The following SLC25A21 variants were observed in gnomAD, a reference collection of about 807,000 sequenced individuals.
SLC25A21 encodes the protein solute carrier family 25 member 21, also known as mitochondrial 2-oxodicarboxylate carrier.
SLC25A21 carries 47 observed loss-of-function variants against 43.8 expected under a neutral mutation model. That is an observed-to-expected ratio of 1.07 (90% confidence interval 0.85 to 1.37). SLC25A21 has a LOEUF of 1.37. SLC25A21 is among the 40% of genes most tolerant of loss of function. SLC25A21 has a pLI of 0.00. For missense variants in SLC25A21, 352 were observed against 350.2 expected (o/e 1.00, Z -0.04); for synonymous variants, 131 against 121.3 (o/e 1.08, Z -0.52).
In SLC25A21 at chr14:36,874,963, TCAC is replaced by T; in HGVS notation, c.109_111del (p.Val37del). On this transcript the variant is annotated inframe_deletion, in exon 2 of 10. Coordinates refer to ENST00000331299, the MANE Select transcript of SLC25A21 (RefSeq NM_030631.4). ...GTTCATGCAGAACCTTACCTGGTTT[TCAC>T]CACATCTAGGGGGTGCATCAGGCAA... 6.2e-7 allele frequency: 1 copy of T among 1,610,096 alleles called. No individual in the cohort carries two copies. Among genetic ancestry groups the T allele is most frequent in the South Asian group, 1.1e-5 (1 of 90,020 alleles).
chr14:37,014,169 A>G (rs1465488480), intron 1 of SLC25A21, among the ~76,000 whole-genome samples: 1 of 152,106 alleles, frequency 6.6e-6, no homozygotes, highest in African/African-American at 2.4e-5. Flanking sequence ...TTAAAATAAG[A>G]CAACAATTAC....
intron 1 of SLC25A21, among the ~76,000 whole-genome samples, chr14:36,939,421 A>AT (rs1163197128): frequency 5.3e-5 from 8 of 151,746 alleles, no homozygotes; most frequent in Admixed American, 1.3e-4. Context: ...TTAAGACAGC[A>AT]TTTTTTTTGT....
chr14:36,848,260 A>G (rs987727538), intron 2 of SLC25A21, among the ~76,000 whole-genome samples: 1 of 152,218 alleles, frequency 6.6e-6, no homozygotes, highest in Non-Finnish European at 1.5e-5. Flanking sequence ...AAGATTTTTA[A>G]AAACATTTGT....
chr14:37,015,416 C>T (rs1447211353), intron 1 of SLC25A21, among the ~76,000 whole-genome samples: 1 of 151,804 alleles, frequency 6.6e-6, no homozygotes, highest in Non-Finnish European at 1.5e-5. Flanking sequence ...GTATATATGC[C>T]ACATTTTCTT....
At chr14:37,171,913 T>C in intron 1 of SLC25A21, 1 of 260,942 alleles carries the variant, frequency 3.8e-6, no homozygotes, top group Non-Finnish European at 7.3e-6. Flanking sequence ...CTACAATTGA[T>C]AAAACTAAGT....
At chr14:37,035,344 C>A (rs1961304469) in intron 1 of SLC25A21, among the ~76,000 whole-genome samples, 1 of 152,220 alleles carries the variant, frequency 6.6e-6, no homozygotes, top group Non-Finnish European at 1.5e-5. Flanking sequence ...TTATTATTAT[C>A]AGTTTTAATC....
intron 1 of SLC25A21, among the ~76,000 whole-genome samples, chr14:37,020,700 A>G (rs1303293430): frequency 2.0e-5 from 3 of 151,952 alleles, no homozygotes; most frequent in Non-Finnish European, 4.4e-5. Flanking sequence ...CATTTTCATC[A>G]GTATGTTTGT....
At chr14:36,759,006 G>A (rs552341040) in intron 3 of SLC25A21, among the ~76,000 whole-genome samples, 4 of 152,260 alleles carry the variant, frequency 2.6e-5, no homozygotes, top group African/African-American at 4.8e-5. Flanking sequence ...GGGCATTTTC[G>A]TTATTCAGCT....
intron 1 of SLC25A21, among the ~76,000 whole-genome samples, chr14:36,894,925 T>C (rs1891192647): frequency 6.6e-6 from 1 of 152,232 alleles, no homozygotes; most frequent in Non-Finnish European, 1.5e-5. Flanking sequence ...TTTGATGTGC[T>C]GCTGGATTTG....
intron 2 of SLC25A21, among the ~76,000 whole-genome samples, chr14:36,824,015 C>T (rs1023793116): frequency 5.3e-5 from 8 of 152,146 alleles, no homozygotes; most frequent in Admixed American, 3.3e-4. Context: ...GGAACTGAGC[C>T]ACTCTACAGA....
chr14:36,756,344 C>T (rs1006161113), intron 3 of SLC25A21, among the ~76,000 whole-genome samples: 3 of 152,180 alleles, frequency 2.0e-5, no homozygotes, highest in Admixed American at 1.3e-4. Flanking sequence ...TGGCTATGTA[C>T]GCGGCTTCAC....
chr14:36,996,978 G>A (rs778555525), intron 1 of SLC25A21, among the ~76,000 whole-genome samples: 1 of 152,128 alleles, frequency 6.6e-6, no homozygotes, highest in African/African-American at 2.4e-5. Flanking sequence ...GTAAGAGAAG[G>A]CTGACAGGGA....
chr14:37,169,713 T>C (rs934562238), intron 1 of SLC25A21, among the ~76,000 whole-genome samples: 13 of 152,112 alleles, frequency 8.5e-5, no homozygotes, highest in African/African-American at 1.4e-4. Context: ...TATTGATTTC[T>C]ATCTGGCCCT....
At chr14:37,122,420 C>T (rs181197484) in intron 1 of SLC25A21, among the ~76,000 whole-genome samples, 60 of 152,278 alleles carry the variant, frequency 3.9e-4, no homozygotes, top group African/African-American at 1.4e-3. Context: ...GAACACCTAC[C>T]ATGAGTCAGG....
intron 3 of SLC25A21, among the ~76,000 whole-genome samples, chr14:36,810,803 G>A (rs891839394): frequency 8.7e-6 from 1 of 114,558 alleles, no homozygotes; most frequent in Non-Finnish European, 2.0e-5. Context: ...TTCTTGGGAT[G>A]GGAAAGGGGA....
At chr14:36,830,140 G>C (rs1167439868) in intron 2 of SLC25A21, among the ~76,000 whole-genome samples, 2 of 151,980 alleles carry the variant, frequency 1.3e-5, no homozygotes, top group Non-Finnish European at 2.9e-5. Context: ...TTACTTCTTA[G>C]GCGGAAAAAA....
chr14:37,063,334 T>TA (rs545567248), intron 1 of SLC25A21, among the ~76,000 whole-genome samples: 150 of 152,110 alleles, frequency 9.9e-4, no homozygotes, highest in African/African-American at 3.5e-3. Flanking sequence ...ACCCCGTCTC[T>TA]ACTAAAAATA....
intron 7 of SLC25A21, among the ~76,000 whole-genome samples, chr14:36,709,036 C>T (rs1352409327): frequency 1.3e-5 from 2 of 150,890 alleles, no homozygotes; most frequent in African/African-American, 4.9e-5. Context: ...GAGATGGAGG[C>T]TCGCTCTGTT....
chr14:36,744,568 T>G (rs1404278027), intron 3 of SLC25A21, among the ~76,000 whole-genome samples: 1 of 88,842 alleles, frequency 1.1e-5, no homozygotes, highest in Non-Finnish European at 2.3e-5. Context: ...AATATAAGAC[T>G]TGAAACTATA....
Sources: allele counts gnomAD v4.1 joint callset (sites outside exome capture counted in the v4.1 genomes callset), GRCh38; gene constraint gnomAD v4.1.1; transcripts MANE v1.5; gene names NCBI Gene and HGNC (gene_info 2026-07-23, HGNC 2026-07-21).